JHY: variants seen among roughly 807,000 people sequenced by gnomAD.
The protein encoded by JHY is junctional cadherin complex regulator.
A neutral mutation model predicts 78.0 loss-of-function variants in JHY; 69 were observed. The ratio of observed to expected loss-of-function variants is 0.88; its 90% confidence interval spans 0.73 to 1.08. The LOEUF (loss-of-function observed/expected upper bound fraction) is 1.08. JHY is among the 50% of genes least tolerant of loss of function. JHY has a pLI of 0.00. For synonymous variants in JHY, 368 were observed against 342.6 expected, an observed-to-expected ratio of 1.07 and a Z score of -0.82; for missense variants, 944 against 927.8, an observed-to-expected ratio of 1.02 and a Z score of -0.23.
At position 122,934,815 on chromosome 11, in the gene JHY, T is replaced by A. The variant is rs745550906; in HGVS notation, c.1374T>A (p.Thr458=). Residue 458 remains threonine, a synonymous_variant, in exon 5 of 9, where the codon ACT becomes ACA. Coordinates refer to ENST00000227349, the MANE Select transcript of JHY (RefSeq NM_024806.4). ...AFDKVLSKNS[T]GCDSGLNVNK... ...ACAAGGTCTTATCTAAAAACTCTACTGGATGTGACTCTGGGCTGAATGTTA... is the reference window on the plus strand; with the variant it reads ...ACAAGGTCTTATCTAAAAACTCTACAGGATGTGACTCTGGGCTGAATGTTA... 7.4e-6 allele frequency: 12 copies of A among 1,614,146 alleles called. No individual in the cohort carries two copies. Among genetic ancestry groups the A allele is most frequent in the Non-Finnish European group, 1.0e-5 (12 of 1,180,026 alleles).
At chr11:122,956,007 A>T (rs914577663) in intron 6 of JHY, among the ~76,000 whole-genome samples, 1 of 152,256 alleles carries the variant, frequency 6.6e-6, no homozygotes, top group East Asian at 1.9e-4. Context: ...TGTTGTGTTA[A>T]AAACGTTAAT....
chr11:122,913,663 C>T (rs1863177092), intron 3 of JHY, among the ~76,000 whole-genome samples: 1 of 152,170 alleles, frequency 6.6e-6, no homozygotes, highest in Non-Finnish European at 1.5e-5. Flanking sequence ...TGAGATTCAG[C>T]TCATATGTCT....
At chr11:122,907,358 A>T (rs975916559) in intron 3 of JHY, among the ~76,000 whole-genome samples, 2 of 152,008 alleles carry the variant, frequency 1.3e-5, no homozygotes, top group Non-Finnish European at 2.9e-5. Flanking sequence ...CTCATTTTTA[A>T]TCTTCATAGT....
intron 3 of JHY, among the ~76,000 whole-genome samples, chr11:122,922,809 C>CAAAAAAAAAAAAA (rs571482464): frequency 1.6e-4 from 7 of 44,372 alleles, no homozygotes; most frequent in African/African-American, 3.2e-4. Flanking sequence ...GACTCCGTCT[C>CAAAAAAAAAAAAA]AAAAAAAAAA....
intron 4 of JHY, among the ~76,000 whole-genome samples, chr11:122,929,994 A>T (rs1383147219): frequency 6.6e-6 from 1 of 152,238 alleles, no homozygotes; most frequent in African/African-American, 2.4e-5. Flanking sequence ...CAGGGGACAG[A>T]GGTCAGCATG....
chr11:122,912,375 C>T (rs1285414103), intron 3 of JHY, among the ~76,000 whole-genome samples: 1 of 151,300 alleles, frequency 6.6e-6, no homozygotes, highest in Non-Finnish European at 1.5e-5. Context: ...AGTGGAGGTG[C>T]GAATGGATAA....
At chr11:122,934,345 TA>T in intron 4 of JHY, 74 bp from the exon 5 acceptor site, 41 of 721,512 alleles carry the variant, frequency 5.7e-5, no homozygotes, top group Non-Finnish European at 6.8e-5. Flanking sequence ...AATAAATAAA[TA>T]AATAAATAAT....
chr11:122,949,658 C>T (rs1222821406), intron 6 of JHY, among the ~76,000 whole-genome samples: 2 of 152,100 alleles, frequency 1.3e-5, no homozygotes, highest in Non-Finnish European at 1.5e-5. Context: ...CACATACCCC[C>T]ACCTGGGGAT....
chr11:122,916,409 A>G (rs1478856344), intron 3 of JHY, among the ~76,000 whole-genome samples: 3 of 152,166 alleles, frequency 2.0e-5, no homozygotes, highest in African/African-American at 7.2e-5. Context: ...ACGTATATAA[A>G]TATACACTAA....
At chr11:122,948,945 G>A (rs1864026291) in intron 6 of JHY, among the ~76,000 whole-genome samples, 1 of 151,910 alleles carries the variant, frequency 6.6e-6, no homozygotes, top group African/African-American at 2.4e-5. Flanking sequence ...TTAACCGGAT[G>A]TGGTGGCAGG....
chr11:122,908,485 GGA>G (rs1863040829), intron 3 of JHY, among the ~76,000 whole-genome samples: 1 of 152,202 alleles, frequency 6.6e-6, no homozygotes, highest in Non-Finnish European at 1.5e-5. Context: ...CAAGTTCCCA[GGA>G]GATGCAAGGC....
At chr11:122,910,490 A>C (rs1457212959) in intron 3 of JHY, among the ~76,000 whole-genome samples, 1 of 151,850 alleles carries the variant, frequency 6.6e-6, no homozygotes, top group Non-Finnish European at 1.5e-5. Context: ...AAACCAAAAA[A>C]CAGTGGAAAG....
intron 5 of JHY, among the ~76,000 whole-genome samples, chr11:122,940,385 C>A (rs190930036): frequency 2.0e-4 from 30 of 152,156 alleles, no homozygotes; most frequent in African/African-American, 6.7e-4. Context: ...GCTCACTTTT[C>A]ATTGTTTTCT....
Position 122,904,174 on chromosome 11 carries a change from A to C in JHY, c.594A>C (p.Pro198=), listed in dbSNP as rs746962023. Residue 198 remains proline, a synonymous_variant, in exon 3 of 9, where the codon CCA becomes CCC. Transcript: ENST00000227349. ...TACTTGGTAGTGAATTTTTAAGCCC[A>C]AACTATGAGCATGGTGCCCGTCGCA... ...ASLLGSEFLS[P]NYEHGARRSK... 5.1e-5 allele frequency: 83 copies of C among 1,614,092 alleles called. No homozygotes were observed. Among genetic ancestry groups the C allele is most frequent in the Admixed American group, 1.2e-4 (7 of 59,996 alleles).
chr11:122,899,355 C>A (rs3107626), intron 2 of JHY, among the ~76,000 whole-genome samples: 3 of 152,198 alleles, frequency 2.0e-5, no homozygotes, highest in African/African-American at 7.2e-5. Context: ...TACTTGAAGA[C>A]AATAATTGAG....
intron 5 of JHY, among the ~76,000 whole-genome samples, chr11:122,936,020 C>T (rs560614927): frequency 1.3e-5 from 2 of 152,254 alleles, no homozygotes; most frequent in South Asian, 2.1e-4. Flanking sequence ...TAGTGGTTAT[C>T]TCTAGCAAGA....
In JHY at chr11:122,896,298, G is replaced by T. The variant is rs141076832; in HGVS notation, c.345-7627G>T. 2.5e-3 allele frequency among the ~76,000 whole-genome samples: 315 copies of T among 124,510 alleles called. 2 individuals are homozygous for T. Among genetic ancestry groups the T allele is most frequent in the African/African-American group, 9.4e-3 (308 of 32,634 alleles). 81.7% of individuals were successfully genotyped at this position (124,510 alleles called of 152,430 possible). On this transcript the variant is annotated intron_variant, in intron 2 of 8. Transcript: ENST00000227349. ...GCTGAGGTTGCAGTGAGCTGAGATC[G>T]CACCACTGCACTCCAGCCTGGGCGA... is the stretch of plus-strand genomic sequence containing the variant.
At chr11:122,888,680 T>C (rs1440824842) in intron 2 of JHY, among the ~76,000 whole-genome samples, 1 of 152,146 alleles carries the variant, frequency 6.6e-6, no homozygotes, top group Non-Finnish European at 1.5e-5. Flanking sequence ...TGTACCCCCT[T>C]CTCAAACTCA....
At position 122,961,007 on chromosome 11, in the gene JHY, A is replaced by G. The variant is rs1864302045; in HGVS notation, c.*1562A>G. 4.0e-6 allele frequency: 4 copies of G among 987,668 alleles called. No individual in the cohort carries two copies. The highest frequency in any genetic ancestry group is 6.4e-6 in the Non-Finnish European group (4 of 622,088). The allele number at this position is 987,668 out of a possible 1,614,324, so 61.2% of individuals were successfully genotyped here. On this transcript the variant is annotated 3_prime_UTR_variant, in exon 9 of 9. Coordinates refer to ENST00000227349, the MANE Select transcript of JHY (RefSeq NM_024806.4). ...ATTGGGTGCAGAGCATCTCTGCACA[A>G]CAGGAAAAGGAGACAATTGCCAAGT...
Sources: gnomAD v4.1 joint callset for allele counts (sites outside exome capture counted in the v4.1 genomes callset) on GRCh38, gnomAD v4.1.1 for gene constraint, MANE v1.5 for transcripts, NCBI Gene and HGNC (gene_info 2026-07-23, HGNC 2026-07-21) for gene names.